The following THSD7B variants were observed in gnomAD, a reference collection of about 807,000 sequenced individuals.
THSD7B encodes the protein thrombospondin type-1 domain-containing protein 7B.
A neutral mutation model predicts 213.6 loss-of-function variants in THSD7B; 138 were observed. The observed-to-expected ratio is 0.65, with a 90% CI of 0.56 to 0.74. The LOEUF is 0.74. Among genes scored for constraint, THSD7B ranks in the 30% least tolerant of loss-of-function variants. The pLI, the probability that THSD7B is intolerant of heterozygous loss-of-function variation, is 0.00. For synonymous variants in THSD7B, 742 were observed against 687.0 expected, an observed-to-expected ratio of 1.08 and a Z score of -1.25; for missense variants, 1,931 against 1,991.5, an observed-to-expected ratio of 0.97 and a Z score of 0.58.
chr2:137,379,700 G>T (rs1685731509), intron 12 of THSD7B, among the ~76,000 whole-genome samples: 1 of 152,248 alleles, frequency 6.6e-6, no homozygotes, highest in Admixed American at 6.5e-5. Context: ...ATATGAATAT[G>T]TAGAGTGGTT....
chr2:137,632,380 T>C (rs1682757982), intron 20 of THSD7B, among the ~76,000 whole-genome samples: 1 of 152,296 alleles, frequency 6.6e-6, no homozygotes, highest in Admixed American at 6.5e-5. Context: ...CTAATAGGGA[T>C]ATAGCTGCCA....
chr2:137,405,382 G>A (rs539565142), intron 12 of THSD7B, among the ~76,000 whole-genome samples: 4 of 152,120 alleles, frequency 2.6e-5, no homozygotes, highest in Middle Eastern at 3.4e-3. Flanking sequence ...GGTTGCTGTC[G>A]ACGCAGGGTT....
chr2:137,025,332 CAT>C (rs1315181713), intron 2 of THSD7B, among the ~76,000 whole-genome samples: 2 of 152,302 alleles, frequency 1.3e-5, no homozygotes, highest in African/African-American at 4.8e-5. Context: ...TCAACTGAAA[CAT>C]AATCTCTTCA....
At chr2:137,056,300 C>A in intron 2 of THSD7B, 120 bp from the exon 3 acceptor site, 1 of 998,598 alleles carries the variant, frequency 1.0e-6, no homozygotes, top group Admixed American at 2.9e-5. Flanking sequence ...GTCTCTGTTC[C>A]ACCAAAATTC....
At chr2:137,230,419 A>G (rs1681609128) in intron 7 of THSD7B, among the ~76,000 whole-genome samples, 1 of 152,160 alleles carries the variant, frequency 6.6e-6, no homozygotes, top group Non-Finnish European at 1.5e-5. Flanking sequence ...TGGTTTAGCA[A>G]TGCATTAGAT....
chr2:137,344,126 T>G (rs1684822720), intron 12 of THSD7B, among the ~76,000 whole-genome samples: 1 of 151,632 alleles, frequency 6.6e-6, no homozygotes, highest in Non-Finnish European at 1.5e-5. Flanking sequence ...GGATCTAGGT[T>G]GCAGGCTTCT....
chr2:137,057,168 G>T lies in THSD7B; in HGVS notation c.888G>T (p.Glu296Asp). 6.2e-7 allele frequency: 1 copy of T among 1,613,956 alleles called. No individual in the cohort carries two copies. The highest frequency in any genetic ancestry group is 1.7e-5 in the Admixed American group (1 of 60,022). ...ATCATTCGAAGTCTTGGGCAATAGA[G>T]ATAGGTTATCAAACCCGGCAGGTTT... ...AHHHSKSWAI[E>D]IGYQTRQVSC... Residue 296 changes from glutamate (E) to aspartate (D), a missense_variant, in exon 3 of 28, where the codon GAG becomes GAT. Glu to Asp is a conservative substitution (Grantham distance 45). Transcript: ENST00000409968.
intron 14 of THSD7B, among the ~76,000 whole-genome samples, chr2:137,417,727 C>T (rs1371386009): frequency 1.3e-5 from 2 of 152,214 alleles, no homozygotes; most frequent in Non-Finnish European, 2.9e-5. Context: ...GCCACTGCAA[C>T]TGACCTAAGA....
At chr2:137,167,111 C>T (rs1486913468) in intron 6 of THSD7B, among the ~76,000 whole-genome samples, 1 of 152,134 alleles carries the variant, frequency 6.6e-6, no homozygotes, top group Non-Finnish European at 1.5e-5. Context: ...AGAGGAAGAG[C>T]AAATGAAGTA....
chr2:136,806,662 A>G lies in THSD7B; in HGVS notation c.-36+40975A>G, dbSNP rs368827577. ...CCTGTTGTAACATCTTACATCAACT[A>G]TGGCACATTTGACAGAAGACGAATC... On this transcript the variant is annotated intron_variant, in intron 1 of 27. Transcript: ENST00000409968. 1.8e-3 allele frequency among the ~76,000 whole-genome samples: 271 copies of G among 152,318 alleles called. 8 individuals are homozygous for G. In the South Asian group the frequency reaches 0.055, roughly 31 times the overall value.
intron 14 of THSD7B, among the ~76,000 whole-genome samples, chr2:137,449,634 G>A (rs930137568): frequency 2.0e-5 from 3 of 152,176 alleles, no homozygotes; most frequent in Non-Finnish European, 4.4e-5. Context: ...ACAGCAAGGG[G>A]CTGCCCTCAG....
intron 12 of THSD7B, among the ~76,000 whole-genome samples, chr2:137,395,176 C>T (rs1686145117): frequency 6.9e-6 from 1 of 145,274 alleles, no homozygotes; most frequent in Admixed American, 6.8e-5. Context: ...CCTAATTGCC[C>T]TGGCTAGAAC....
intron 1 of THSD7B, among the ~76,000 whole-genome samples, chr2:136,865,975 T>C (rs1683325351): frequency 6.6e-6 from 1 of 152,154 alleles, no homozygotes; most frequent in Non-Finnish European, 1.5e-5. Context: ...AAATGACCTG[T>C]AAGATGACAT....
chr2:137,569,679 G>C (rs1681314073), intron 16 of THSD7B, among the ~76,000 whole-genome samples: 1 of 152,024 alleles, frequency 6.6e-6, no homozygotes, highest in Admixed American at 6.5e-5. Context: ...TGAAGGTTTA[G>C]TATCAGTTTT....
intron 7 of THSD7B, among the ~76,000 whole-genome samples, chr2:137,206,505 A>G (rs1014848260): frequency 6.6e-6 from 1 of 152,076 alleles, no homozygotes; most frequent in African/African-American, 2.4e-5. Context: ...AGGGGGTCCC[A>G]TACTCAAGCA....
At chr2:137,350,504 G>A (rs1308160821) in intron 12 of THSD7B, among the ~76,000 whole-genome samples, 1 of 151,838 alleles carries the variant, frequency 6.6e-6, no homozygotes, top group African/African-American at 2.4e-5. Flanking sequence ...GTGAGGAGAG[G>A]AGGGGGATCA....
intron 1 of THSD7B, among the ~76,000 whole-genome samples, chr2:136,854,196 A>G (rs1326942169): frequency 6.6e-6 from 1 of 152,074 alleles, no homozygotes; most frequent in African/African-American, 2.4e-5. Flanking sequence ...ATAAAATACC[A>G]CACAGACACA....
chr2:136,798,311 A>G (rs535638326), intron 1 of THSD7B, among the ~76,000 whole-genome samples: 59 of 152,024 alleles, frequency 3.9e-4, no homozygotes, highest in Non-Finnish European at 6.9e-4. Context: ...ACTGGTTCCT[A>G]GCCACTTGGG....
intron 1 of THSD7B, among the ~76,000 whole-genome samples, chr2:136,821,614 C>T (rs1200072352): frequency 6.6e-6 from 1 of 152,144 alleles, no homozygotes; most frequent in Non-Finnish European, 1.5e-5. Flanking sequence ...AGGTCCCTTT[C>T]TTGGGTATCA....
Sources: gnomAD v4.1 joint callset for allele counts (sites outside exome capture counted in the v4.1 genomes callset) on GRCh38, gnomAD v4.1.1 for gene constraint, MANE v1.5 for transcripts, NCBI Gene and HGNC (gene_info 2026-07-23, HGNC 2026-07-21) for gene names.